FANCI: variants seen among roughly 807,000 people sequenced by gnomAD.
FANCI encodes the protein Fanconi anemia group I protein.
Under a neutral mutation model 176.1 loss-of-function variants are expected in FANCI, and 156 were observed. That is an observed-to-expected ratio of 0.89 (90% CI 0.78 to 1.01). The LOEUF (loss-of-function observed/expected upper bound fraction) is 1.01, where lower values mean the gene tolerates loss of function less well. Ranked by LOEUF, FANCI falls within the 50% of genes least tolerant of loss-of-function variation. The pLI is 0.00. For missense variants in FANCI, 1,678 were observed against 1,534.1 expected (o/e 1.09, Z -1.57); for synonymous variants, 613 against 541.7 (o/e 1.13, Z -1.83).
intron 24 of FANCI, among the ~76,000 whole-genome samples, chr15:89,296,056 C>T (rs1481463008): frequency 6.6e-6 from 1 of 152,188 alleles, no homozygotes; most frequent in Non-Finnish European, 1.5e-5. Context: ...CAACCTCGGC[C>T]TCCCCGGTTC....
Position 89,305,653 on chromosome 15 carries a change from C to T in FANCI, c.3304C>T (p.Leu1102=). The stretch of plus-strand genomic sequence containing the variant: ...GAAGGTTCTAGAAGAAGTGGACTGG[C>T]TAATCACCAAGCTTAAGGGACAAGT... ...AEKVLEEVDW[L]ITKLKGQVSQ... The change falls in exon 31 of 38, where the codon CTA becomes TTA. Residue 1102 remains leucine, a synonymous_variant. Coordinates refer to ENST00000310775, the MANE Select transcript of FANCI (RefSeq NM_001113378.2). 6.2e-7 allele frequency: 1 copy of T among 1,614,118 alleles called. No individual in the cohort carries two copies. The highest frequency in any genetic ancestry group is 8.5e-7 in the Non-Finnish European group (1 of 1,180,016).
intron 35 of FANCI, 83 bp downstream of exon 35, chr15:89,313,055 C>A: frequency 7.8e-7 from 1 of 1,278,702 alleles, no homozygotes; most frequent in Non-Finnish European, 1.1e-6. Flanking sequence ...GACAAAAAGA[C>A]CACGTGTTGT....
At chr15:89,285,634 G>T (rs1285714862) in intron 18 of FANCI, among the ~76,000 whole-genome samples, 1 of 152,038 alleles carries the variant, frequency 6.6e-6, no homozygotes, top group Admixed American at 6.6e-5. Context: ...TTTTTTTAAG[G>T]TGAGAAATCA....
chr15:89,297,661 G>T (rs1334266789), intron 24 of FANCI, among the ~76,000 whole-genome samples: 2 of 151,644 alleles, frequency 1.3e-5, no homozygotes, highest in Non-Finnish European at 2.9e-5. Context: ...TGAGGCAGGA[G>T]AATCAGGCAG....
chr15:89,250,728 C>T (rs1156423406), intron 2 of FANCI, among the ~76,000 whole-genome samples: 1 of 149,768 alleles, frequency 6.7e-6, no homozygotes, highest in Non-Finnish European at 1.5e-5. Flanking sequence ...TAAAAAAATA[C>T]CTTCTAAATA....
At chr15:89,303,505 C>T (rs987378465) in intron 27 of FANCI, among the ~76,000 whole-genome samples, 2 of 152,078 alleles carry the variant, frequency 1.3e-5, no homozygotes, top group African/African-American at 2.4e-5. Context: ...TTTCCCACAC[C>T]TTTCTGATAA....
intron 10 of FANCI, among the ~76,000 whole-genome samples, chr15:89,271,386 T>A (rs1007414781): frequency 6.6e-6 from 1 of 152,238 alleles, no homozygotes; most frequent in Admixed American, 6.5e-5. Flanking sequence ...AGATATTTTG[T>A]ATAAATGGAA....
rs375587678 is a variant in FANCI, at chr15:89,300,276, C to G, written c.2804-24C>G. On this transcript the variant is annotated intron_variant, in intron 25 of 37. Transcript: ENST00000310775. ...AAGTATGAGTTTATATCAAAGAAGA[C>G]AAGAGTTTCTTTTCCATTCCTAGAT... 195 of 1,602,816 alleles carry G rather than the reference C, an allele frequency of 1.2e-4. No individual in the cohort carries two copies. In the African/African-American group the frequency reaches 2.5e-3, roughly 20 times the overall value.
At chr15:89,308,791 A>G (rs866382146) in intron 34 of FANCI, among the ~76,000 whole-genome samples, 1 of 152,076 alleles carries the variant, frequency 6.6e-6, no homozygotes, top group Middle Eastern at 3.2e-3. Context: ...CAAAAAATAC[A>G]AAAAATTAGC....
At position 89,315,269 on chromosome 15, in the gene FANCI, A is replaced by G. The variant is rs1295497281; in HGVS notation, c.3817-13A>G. On this transcript the variant is annotated splice_polypyrimidine_tract_variant and intron_variant, in intron 36 of 37. Coordinates refer to ENST00000310775, the MANE Select transcript of FANCI (RefSeq NM_001113378.2). Reference sequence around the variant, plus strand: ...GAGTAGGGAGATGTCCCATGCTTACAATCTTGTCATAGGTGAACCTGATGC... The same window carrying G: ...GAGTAGGGAGATGTCCCATGCTTACGATCTTGTCATAGGTGAACCTGATGC... The G allele has an allele frequency of 1.2e-6, 2 of 1,601,108 alleles. No individual in the cohort carries two copies. The highest frequency in any genetic ancestry group is 2.7e-5 in the African/African-American group (2 of 74,636).
At chr15:89,286,629 T>TA (rs771800862) in intron 18 of FANCI, among the ~76,000 whole-genome samples, 1 of 152,220 alleles carries the variant, frequency 6.6e-6, no homozygotes, top group Non-Finnish European at 1.5e-5. Context: ...ACAGATGTGT[T>TA]ATCATGCAGG....
intron 13 of FANCI, 105 bp from the exon 14 acceptor site, chr15:89,278,582 G>A (rs1280453618): frequency 1.3e-6 from 1 of 787,388 alleles, no homozygotes; most frequent in African/African-American, 1.7e-5. Flanking sequence ...GATTTTTTGA[G>A]TTTTACTCAT....
intron 36 of FANCI, 126 bp downstream of exon 36, chr15:89,314,833 C>A (rs2055145058): frequency 8.3e-6 from 3 of 361,138 alleles, no homozygotes; most frequent in Non-Finnish European, 1.4e-5. Flanking sequence ...GCCATCCCCC[C>A]TCTCCCCCCC....
intron 3 of FANCI, chr15:89,259,321 G>C (rs2052623806): frequency 1.3e-5 from 2 of 156,092 alleles, no homozygotes; most frequent in South Asian, 1.9e-4. Flanking sequence ...CTCTTAATTA[G>C]GTATGTTAAC....
chr15:89,298,069 C>A (rs1239064883), intron 24 of FANCI, among the ~76,000 whole-genome samples: 5 of 151,292 alleles, frequency 3.3e-5, no homozygotes, highest in African/African-American at 1.2e-4. Flanking sequence ...TCTCCATAGT[C>A]AAAAAACAGA....
At chr15:89,257,410 G>A (rs2052543408) in intron 2 of FANCI, among the ~76,000 whole-genome samples, 1 of 152,176 alleles carries the variant, frequency 6.6e-6, no homozygotes, top group South Asian at 2.1e-4. Context: ...GACTAGAAGT[G>A]CAAGATCAAG....
At position 89,293,944 on chromosome 15, in the gene FANCI, T is replaced by G; in HGVS notation, c.2403T>G (p.Ser801Arg). The G allele has an allele frequency of 1.2e-6, 2 of 1,614,120 alleles. No homozygotes were observed. The highest frequency in any genetic ancestry group is 1.7e-6 in the Non-Finnish European group (2 of 1,180,022). ...AAACTAAAATGGCCAACAAGACAAG[T>G]GATAGTCTTTTGTCCATGAAATTTG... ...KAKTKMANKT[S>R]DSLLSMKFVS... Residue 801 changes from serine (S) to arginine (R), a missense_variant, in exon 23 of 38, where the codon AGT (serine) becomes AGG (arginine). Around this residue, in one of 3 missense-constraint regions of FANCI, gnomAD observed 1,204 missense variants for 1,077.4 expected, o/e 1.12. Transcript: ENST00000310775.
chr15:89,272,263 A>G (rs551538268), intron 10 of FANCI, among the ~76,000 whole-genome samples: 5 of 152,282 alleles, frequency 3.3e-5, no homozygotes, highest in East Asian at 1.9e-4. Context: ...TGAAATGTCT[A>G]TTCAAATCTT....
chr15:89,283,027 A>G (rs1596287502), intron 16 of FANCI, 109 bp from the exon 17 acceptor site: 1 of 1,073,168 alleles, frequency 9.3e-7, no homozygotes, highest in Non-Finnish European at 1.4e-6. Context: ...TCTACGCTTC[A>G]TTGTTTATAC....
Sources: gnomAD v4.1 joint callset for allele counts (sites outside exome capture counted in the v4.1 genomes callset) on GRCh38, gnomAD v4.1.1 for gene constraint, gnomAD v4.1.1 regional missense constraint, MANE v1.5 for transcripts, NCBI Gene and HGNC (gene_info 2026-07-23, HGNC 2026-07-21) for gene names.